Variants in PDE4B observed in about 807,000 individuals in gnomAD.
The protein encoded by PDE4B is 3',5'-cyclic-AMP phosphodiesterase 4B.
Under a neutral mutation model 82.2 loss-of-function variants are expected in PDE4B, and 20 were observed. That is an observed-to-expected ratio of 0.24 (90% confidence interval 0.17 to 0.35). The LOEUF (loss-of-function observed/expected upper bound fraction) is 0.35, where lower values mean the gene tolerates loss of function less well. Ranked by LOEUF, PDE4B falls within the 10% of genes least tolerant of loss-of-function variation. PDE4B has a pLI of 1.00. For synonymous variants in PDE4B, 320 were observed against 318.9 expected (o/e 1.00, Z -0.04); for missense variants, 655 against 907.2 (o/e 0.72, Z 3.57).
At chr1:65,861,930 C>T (rs1646459013) in intron 1 of PDE4B, among the ~76,000 whole-genome samples, 1 of 152,064 alleles carries the variant, frequency 6.6e-6, no homozygotes, top group South Asian at 2.1e-4. Context: ...TGTTGCTTAT[C>T]AGCTTAAGGA....
intron 8 of PDE4B, among the ~76,000 whole-genome samples, chr1:66,349,292 A>G (rs751345471): frequency 6.6e-6 from 1 of 152,146 alleles, no homozygotes; most frequent in East Asian, 1.9e-4. Flanking sequence ...CTTCATCATA[A>G]TTTTTGATGC....
intron 3 of PDE4B, among the ~76,000 whole-genome samples, chr1:65,929,063 C>CTCCT (rs1647679066): frequency 2.0e-5 from 3 of 152,164 alleles, no homozygotes; most frequent in African/African-American, 7.2e-5. Flanking sequence ...GTGTAGCGCA[C>CTCCT]CTCCTCATGG....
intron 6 of PDE4B, among the ~76,000 whole-genome samples, chr1:66,264,796 C>T (rs41332246): frequency 0.017 from 2,598 of 152,330 alleles, 26 homozygotes; most frequent in Middle Eastern, 0.054. Flanking sequence ...TTAGCAACAA[C>T]GATGCAGGCT....
At chr1:65,989,660 C>A (rs1423657688) in intron 3 of PDE4B, among the ~76,000 whole-genome samples, 2 of 152,106 alleles carry the variant, frequency 1.3e-5, no homozygotes, top group Non-Finnish European at 2.9e-5. Context: ...TATACATGAA[C>A]CGGAAGGTTT....
chr1:66,218,247 G>A (rs985320305), intron 3 of PDE4B, among the ~76,000 whole-genome samples: 4 of 152,146 alleles, frequency 2.6e-5, no homozygotes, highest in South Asian at 2.1e-4. Context: ...AAGTGATGTC[G>A]GCCGATATCT....
intron 8 of PDE4B, among the ~76,000 whole-genome samples, chr1:66,339,018 C>CAAAAA (rs60064823): frequency 2.5e-5 from 2 of 79,794 alleles, no homozygotes; most frequent in African/African-American, 7.5e-5. Context: ...GACTCCGTCT[C>CAAAAA]AAAAAAAAAA....
chr1:66,310,106 A>G (rs1476901742), intron 7 of PDE4B, among the ~76,000 whole-genome samples: 1 of 151,714 alleles, frequency 6.6e-6, no homozygotes, highest in Admixed American at 6.6e-5. Context: ...TAGAGGAACT[A>G]CTCTCCTCTT....
chr1:65,835,781 G>A (rs544042255), intron 1 of PDE4B, among the ~76,000 whole-genome samples: 42 of 152,252 alleles, frequency 2.8e-4, no homozygotes, highest in African/African-American at 9.9e-4. Flanking sequence ...TTGAATTAAT[G>A]TCCAGAAATT....
chr1:66,123,642 TTAAA>T (rs1313857444), intron 3 of PDE4B, among the ~76,000 whole-genome samples: 1 of 152,032 alleles, frequency 6.6e-6, no homozygotes, highest in Non-Finnish European at 1.5e-5. Context: ...AATATTGCCC[TTAAA>T]TAATCATCAC....
chr1:66,225,263 T>C (rs1651354623), intron 3 of PDE4B, among the ~76,000 whole-genome samples: 1 of 152,202 alleles, frequency 6.6e-6, no homozygotes, highest in African/African-American at 2.4e-5. Context: ...CCCCCCGTTC[T>C]CACCTCAACT....
intron 3 of PDE4B, among the ~76,000 whole-genome samples, chr1:66,184,536 A>G (rs1466055112): frequency 1.3e-5 from 2 of 152,164 alleles, no homozygotes; most frequent in Non-Finnish European, 2.9e-5. Flanking sequence ...ATGGAAGAAG[A>G]TTCAGGATTA....
chr1:66,268,948 A>G (rs1266513463), intron 7 of PDE4B, among the ~76,000 whole-genome samples: 1 of 152,148 alleles, frequency 6.6e-6, no homozygotes, highest in African/African-American at 2.4e-5. Context: ...ACTGTGCCTT[A>G]TCTATCTTTT....
intron 1 of PDE4B, among the ~76,000 whole-genome samples, chr1:65,801,720 G>A (rs549969742): frequency 1.2e-4 from 18 of 152,160 alleles, no homozygotes; most frequent in Middle Eastern, 3.4e-3. Flanking sequence ...CATAATCTTC[G>A]GTAAGATAGG....
chr1:66,158,141 A>T (rs1646537279), intron 3 of PDE4B, among the ~76,000 whole-genome samples: 1 of 152,206 alleles, frequency 6.6e-6, no homozygotes, highest in South Asian at 2.1e-4. Context: ...TGCCCTAAAA[A>T]TATAGGAATT....
At chr1:66,214,448 C>G (rs1381787061) in intron 3 of PDE4B, among the ~76,000 whole-genome samples, 2 of 152,028 alleles carry the variant, frequency 1.3e-5, no homozygotes, top group Non-Finnish European at 2.9e-5. Flanking sequence ...TCAGCACTTG[C>G]TCTTGGTTAG....
At chr1:66,296,815 G>A (rs1355595550) in intron 7 of PDE4B, among the ~76,000 whole-genome samples, 3 of 152,114 alleles carry the variant, frequency 2.0e-5, no homozygotes, top group South Asian at 2.1e-4. Flanking sequence ...ACTCTTACAC[G>A]AAATTTTTTG....
intron 8 of PDE4B, among the ~76,000 whole-genome samples, chr1:66,353,660 A>C (rs1335946916): frequency 2.6e-5 from 4 of 152,118 alleles, no homozygotes; most frequent in Non-Finnish European, 4.4e-5. Context: ...GTAAAGCTCT[A>C]GTGTTTCCCC....
At chr1:66,146,466 G>A (rs1271670004) in intron 3 of PDE4B, among the ~76,000 whole-genome samples, 2 of 152,064 alleles carry the variant, frequency 1.3e-5, no homozygotes, top group Non-Finnish European at 2.9e-5. Flanking sequence ...TTACAGGCGT[G>A]AGCCACCGTG....
chr1:66,315,655 T>C (rs555033174), intron 7 of PDE4B, among the ~76,000 whole-genome samples: 215 of 152,262 alleles, frequency 1.4e-3, no homozygotes, highest in African/African-American at 4.5e-3. Context: ...AGACCGGATT[T>C]CACCATGTTG....
Sources: allele counts gnomAD v4.1 joint callset (sites outside exome capture counted in the v4.1 genomes callset), GRCh38; gene constraint gnomAD v4.1.1; transcripts MANE v1.5; gene names NCBI Gene and HGNC (gene_info 2026-07-23, HGNC 2026-07-21).